DNAH14: variants seen among roughly 807,000 people sequenced by gnomAD.
The protein encoded by DNAH14 is axonemal beta dynein heavy chain 14.
DNAH14 carries 478 observed loss-of-function variants against 520.9 expected under a neutral mutation model. That is an observed-to-expected ratio of 0.92 (90% CI 0.85 to 0.99). The LOEUF (loss-of-function observed/expected upper bound fraction) is 0.99, where lower values mean the gene tolerates loss of function less well. Among genes scored for constraint, DNAH14 ranks in the 50% least tolerant of loss-of-function variants. The pLI, the probability that DNAH14 is intolerant of heterozygous loss-of-function variation, is 0.00. For synonymous variants in DNAH14, 1,581 were observed against 1,757.2 expected (o/e 0.90, Z 2.51); for missense variants, 4,831 against 5,234.5 (o/e 0.92, Z 2.38).
intron 65 of DNAH14, among the ~76,000 whole-genome samples, chr1:225,331,981 G>A (rs76733659): frequency 0.042 from 6,262 of 149,858 alleles, 183 homozygotes; most frequent in Middle Eastern, 0.075. Context: ...TTTTTTTTAA[G>A]TGAAAGTAAG....
At chr1:224,990,517 C>G (rs2062964457) in intron 8 of DNAH14, among the ~76,000 whole-genome samples, 1 of 152,140 alleles carries the variant, frequency 6.6e-6, no homozygotes. Context: ...CTGCTTTTTT[C>G]AGTTTGATTG....
intron 51 of DNAH14, among the ~76,000 whole-genome samples, chr1:225,272,520 C>G (rs2093341941): frequency 6.6e-6 from 1 of 152,180 alleles, no homozygotes; most frequent in African/African-American, 2.4e-5. Flanking sequence ...AATTTGATAC[C>G]TTTCTCCCCT....
chr1:225,114,171 C>T (rs761228711), intron 23 of DNAH14, among the ~76,000 whole-genome samples: 17 of 151,990 alleles, frequency 1.1e-4, no homozygotes, highest in East Asian at 7.8e-4. Flanking sequence ...GCTGATTATT[C>T]GGGGCCCAAG....
chr1:225,267,173 T>A (rs1451268515), intron 49 of DNAH14, among the ~76,000 whole-genome samples: 1 of 152,046 alleles, frequency 6.6e-6, no homozygotes, highest in Non-Finnish European at 1.5e-5. Flanking sequence ...TTACTCTACA[T>A]CTTTATCTTA....
At chr1:224,987,310 T>A (rs1449875818) in intron 8 of DNAH14, among the ~76,000 whole-genome samples, 2 of 152,170 alleles carry the variant, frequency 1.3e-5, no homozygotes, top group Non-Finnish European at 1.5e-5. Context: ...AGAAAGCCAG[T>A]GTCTCAGCTT....
At chr1:225,092,118 A>G (rs1377540384) in intron 21 of DNAH14, among the ~76,000 whole-genome samples, 1 of 152,128 alleles carries the variant, frequency 6.6e-6, no homozygotes, top group Non-Finnish European at 1.5e-5. Context: ...ATGACACAAT[A>G]ATAGTGAGAG....
At chr1:224,964,446 C>T (rs1490837045) in intron 4 of DNAH14, 33 bp from the exon 5 acceptor site, 8 of 1,576,310 alleles carry the variant, frequency 5.1e-6, no homozygotes, top group African/African-American at 1.4e-5. Flanking sequence ...CACATTTGCA[C>T]TTATACTGGA....
At chr1:224,992,540 C>A (rs528126043) in intron 8 of DNAH14, among the ~76,000 whole-genome samples, 1 of 152,190 alleles carries the variant, frequency 6.6e-6, no homozygotes, top group Non-Finnish European at 1.5e-5. Flanking sequence ...AGTATAGAAG[C>A]ACTACTGATT....
At chr1:225,104,612 G>C (rs966463055) in intron 23 of DNAH14, among the ~76,000 whole-genome samples, 1 of 152,056 alleles carries the variant, frequency 6.6e-6, no homozygotes, top group African/African-American at 2.4e-5. Flanking sequence ...GTTTAGTCTT[G>C]GGAGGGTGTA....
rs570530075 is a variant in DNAH14, at chr1:224,998,726, T to C, written c.831-4057T>C. Among the ~76,000 whole-genome samples the C allele has an allele frequency of 1.5e-3, 229 of 152,266 alleles. 3 individuals are homozygous for C. The highest frequency in any genetic ancestry group is 5.3e-3 in the African/African-American group (221 of 41,552). On this transcript the variant is annotated intron_variant, in intron 8 of 85. Coordinates refer to ENST00000682510, the MANE Select transcript of DNAH14 (RefSeq NM_001367479.1). ...GTTCCATGGGAACTTGAAAAGAATGTGTATTCTTCTATTGTTGGGTGGAGT... is the reference window on the plus strand; with the variant it reads ...GTTCCATGGGAACTTGAAAAGAATGCGTATTCTTCTATTGTTGGGTGGAGT...
At chr1:225,218,983 A>G (rs2089747387) in intron 41 of DNAH14, among the ~76,000 whole-genome samples, 1 of 152,236 alleles carries the variant, frequency 6.6e-6, no homozygotes, top group Non-Finnish European at 1.5e-5. Context: ...TCAAGTTAGA[A>G]CTCAGGATTA....
chr1:225,235,071 C>T (rs1459261244), intron 42 of DNAH14, among the ~76,000 whole-genome samples: 5 of 152,138 alleles, frequency 3.3e-5, no homozygotes, highest in South Asian at 2.1e-4. Flanking sequence ...GCCTGAACTT[C>T]CAATACTATG....
chr1:225,206,250 C>A, intron 40 of DNAH14, 71 bp downstream of exon 40: 2 of 1,300,548 alleles, frequency 1.5e-6, no homozygotes, highest in Non-Finnish European at 2.1e-6. Context: ...TTATTATTTA[C>A]AGCATTTTAT....
At chr1:225,205,233 C>T (rs543440858) in intron 39 of DNAH14, among the ~76,000 whole-genome samples, 1 of 152,232 alleles carries the variant, frequency 6.6e-6, no homozygotes, top group South Asian at 2.1e-4. Flanking sequence ...TATTAGGAGG[C>T]AGGGGGCCTT....
intron 4 of DNAH14, among the ~76,000 whole-genome samples, chr1:224,962,582 C>G (rs956898434): frequency 6.6e-6 from 1 of 152,124 alleles, no homozygotes; most frequent in Non-Finnish European, 1.5e-5. Context: ...GCAAGTCTTT[C>G]ACTAGCCCAG....
rs761651803 is a variant in DNAH14 at position 225,147,098 on chromosome 1, T to TA, written c.4795-2dup. On this transcript the variant is annotated splice_polypyrimidine_tract_variant and splice_region_variant and intron_variant, in intron 30 of 85. Coordinates refer to ENST00000682510, the MANE Select transcript of DNAH14 (RefSeq NM_001367479.1). ...TTAGTAATCAATCTCTTTTTTTTTTTAAAAGATAGTGAGAAAATTTTTCTT... is the reference window on the plus strand; with the variant it reads ...TTAGTAATCAATCTCTTTTTTTTTTTAAAAAGATAGTGAGAAAATTTTTCTT... The TA allele has an allele frequency of 5.1e-5, 75 of 1,476,634 alleles. No individual in the cohort carries two copies. The highest frequency in any genetic ancestry group is 2.9e-4 in the Admixed American group (11 of 38,138). The allele number at this position is 1,476,634 out of a possible 1,614,324, so 91.5% of individuals were successfully genotyped here.
At chr1:225,152,604 C>A in intron 32 of DNAH14, 93 bp from the exon 33 acceptor site, 6 of 1,153,664 alleles carry the variant, frequency 5.2e-6, no homozygotes, top group Non-Finnish European at 7.2e-6. Context: ...ACACAGAACA[C>A]CAATATAATT....
chr1:225,279,044 TA>T (rs1451439729), intron 54 of DNAH14, among the ~76,000 whole-genome samples: 3 of 152,336 alleles, frequency 2.0e-5, no homozygotes, highest in Middle Eastern at 3.4e-3. Context: ...TTACTCAGGC[TA>T]GAGTGCAGTG....
At chr1:225,290,675 ATATATATATATATATAT>A (rs2093862186) in intron 55 of DNAH14, among the ~76,000 whole-genome samples, 1 of 127,526 alleles carries the variant, frequency 7.8e-6, no homozygotes, top group East Asian at 2.4e-4. Flanking sequence ...ATATATATAT[ATATATATATATATATAT>A]ATTTCCTCCA....
Sources: allele counts gnomAD v4.1 joint callset (sites outside exome capture counted in the v4.1 genomes callset), GRCh38; gene constraint gnomAD v4.1.1; transcripts MANE v1.5; gene names NCBI Gene and HGNC (gene_info 2026-07-23, HGNC 2026-07-21).